CAMTA1: variants seen among roughly 807,000 people sequenced by gnomAD.
The protein encoded by CAMTA1 is calmodulin binding transcription activator 1.
Under a neutral mutation model 170.9 loss-of-function variants are expected in CAMTA1, and 27 were observed. The ratio of observed to expected loss-of-function variants is 0.16; its 90% CI spans 0.12 to 0.22. The LOEUF is 0.22. CAMTA1 is among the 10% of genes least tolerant of loss of function. The pLI, the probability that CAMTA1 is intolerant of heterozygous loss-of-function variation, is 1.00. For synonymous variants in CAMTA1, 833 were observed against 891.5 expected (o/e 0.93, Z 1.17); for missense variants, 1,619 against 2,217.2 (o/e 0.73, Z 5.42).
intron 5 of CAMTA1, among the ~76,000 whole-genome samples, chr1:7,273,480 A>G (rs1278513303): frequency 6.6e-6 from 1 of 152,238 alleles, no homozygotes; most frequent in Admixed American, 6.5e-5. Flanking sequence ...ACAAAAGACC[A>G]TATATTATGT....
chr1:7,240,494 G>C (rs934298628), intron 4 of CAMTA1, among the ~76,000 whole-genome samples: 2 of 150,858 alleles, frequency 1.3e-5, no homozygotes, highest in Non-Finnish European at 2.9e-5. Flanking sequence ...GTTAGTGGGA[G>C]CCTCTTCAAG....
At chr1:6,804,189 T>C (rs897129121) in intron 1 of CAMTA1, among the ~76,000 whole-genome samples, 1 of 149,914 alleles carries the variant, frequency 6.7e-6, no homozygotes, top group African/African-American at 2.4e-5. Flanking sequence ...TTTTTTTTTT[T>C]TTTTTTTTGG....
chr1:7,661,018 A>G (rs2095951660), intron 7 of CAMTA1, among the ~76,000 whole-genome samples: 1 of 152,220 alleles, frequency 6.6e-6, no homozygotes, highest in Non-Finnish European at 1.5e-5. Flanking sequence ...TCCCAACTCC[A>G]GGAACTGCAA....
intron 21 of CAMTA1, among the ~76,000 whole-genome samples, chr1:7,753,668 A>AGAAG (rs2096912903): frequency 6.6e-6 from 1 of 152,214 alleles, no homozygotes. Context: ...TTGTGACCAT[A>AGAAG]GAAGGAAACA....
At chr1:6,813,950 T>C (rs927845039) in intron 1 of CAMTA1, among the ~76,000 whole-genome samples, 4 of 152,178 alleles carry the variant, frequency 2.6e-5, no homozygotes, top group African/African-American at 9.7e-5. Flanking sequence ...GACGGGACCA[T>C]TTTTCCTTTC....
intron 3 of CAMTA1, among the ~76,000 whole-genome samples, chr1:6,830,985 A>G (rs1649838963): frequency 6.6e-6 from 1 of 151,520 alleles, no homozygotes; most frequent in Admixed American, 6.6e-5. Flanking sequence ...CGCCCAGCCA[A>G]TTTTTTGTAT....
At chr1:7,597,637 C>T (rs551575176) in intron 6 of CAMTA1, among the ~76,000 whole-genome samples, 5 of 152,128 alleles carry the variant, frequency 3.3e-5, no homozygotes, top group Admixed American at 2.0e-4. Flanking sequence ...AGTAGGTCAA[C>T]GGGCTGGAGA....
intron 6 of CAMTA1, among the ~76,000 whole-genome samples, chr1:7,543,581 T>C (rs1383538804): frequency 2.0e-5 from 3 of 152,238 alleles, no homozygotes; most frequent in Non-Finnish European, 4.4e-5. Flanking sequence ...TGTCAAATCC[T>C]GGAAAACGCA....
chr1:6,836,473 A>G (rs1653144692), intron 3 of CAMTA1, among the ~76,000 whole-genome samples: 1 of 152,226 alleles, frequency 6.6e-6, no homozygotes, highest in Non-Finnish European at 1.5e-5. Flanking sequence ...GACTTGAAAA[A>G]ATTGTAAAAT....
chr1:7,171,431 T>C (rs1266646542), intron 4 of CAMTA1, among the ~76,000 whole-genome samples: 1 of 152,150 alleles, frequency 6.6e-6, no homozygotes, highest in Non-Finnish European at 1.5e-5. Context: ...AAATGTTACC[T>C]CCTATTACGA....
rs1319644632 is a variant in CAMTA1 at position 7,007,035 on chromosome 1, G to A, written c.235-84269G>A. Among the ~76,000 whole-genome samples, 2 of 151,874 alleles carry A rather than the reference G, an allele frequency of 1.3e-5. No individual in the cohort carries two copies. Among genetic ancestry groups the A allele is most frequent in the Non-Finnish European group, 2.9e-5 (2 of 67,980 alleles). ...AAAAAAAAAAAAATAAGAATTTTTG[G>A]ATACGGTATTAATAATGTTACGGAA... On this transcript the variant is annotated intron_variant, in intron 3 of 22. Coordinates refer to ENST00000303635, the MANE Select transcript of CAMTA1 (RefSeq NM_015215.4). This position sits in a 1 kb window ranked among gnomAD's most constrained non-coding sequence, Gnocchi z 4.5.
intron 11 of CAMTA1, among the ~76,000 whole-genome samples, chr1:7,689,674 C>T (rs138505101): frequency 2.4e-4 from 36 of 152,336 alleles, no homozygotes; most frequent in African/African-American, 8.7e-4. Flanking sequence ...ATAGTCCAAT[C>T]TCCTCATTCT....
intron 11 of CAMTA1, among the ~76,000 whole-genome samples, chr1:7,708,568 TC>T (rs1331806193): frequency 6.6e-6 from 1 of 152,240 alleles, no homozygotes; most frequent in African/African-American, 2.4e-5. Flanking sequence ...TCAGTAAAGT[TC>T]CTTTGATAGA....
At chr1:6,884,335 C>CACACACACACACACAA (rs776481131) in intron 3 of CAMTA1, among the ~76,000 whole-genome samples, 35 of 144,002 alleles carry the variant, frequency 2.4e-4, no homozygotes, top group Admixed American at 1.7e-3. Context: ...CACACACACA[C>CACACACACACACACAA]AATTTTGTTT....
chr1:7,246,000 A>T (rs1204175382), intron 4 of CAMTA1, among the ~76,000 whole-genome samples: 3 of 152,162 alleles, frequency 2.0e-5, no homozygotes, highest in Non-Finnish European at 2.9e-5. Context: ...GGGAAGCCTG[A>T]GATTGCCCCA....
intron 6 of CAMTA1, among the ~76,000 whole-genome samples, chr1:7,533,287 G>A (rs1368314108): frequency 6.6e-6 from 1 of 152,216 alleles, no homozygotes; most frequent in Non-Finnish European, 1.5e-5. Flanking sequence ...CAGGCCGGCT[G>A]TGCCCTCTGC....
intron 3 of CAMTA1, among the ~76,000 whole-genome samples, chr1:7,011,931 C>A (rs1436261066): frequency 6.6e-6 from 1 of 152,232 alleles, no homozygotes; most frequent in Non-Finnish European, 1.5e-5. Flanking sequence ...CTCCGCCCCA[C>A]TCCTCCAATT....
In CAMTA1 at chr1:7,146,771, T is replaced by C. The variant is rs1325927616; in HGVS notation, c.302+55400T>C. ...CATAAACCATGCACACACACACACT[T>C]GAGCATCATGCACACATATATACCA... On this transcript the variant is annotated intron_variant, in intron 4 of 22. Transcript: ENST00000303635. This position sits in a 1 kb window ranked among gnomAD's most constrained non-coding sequence, Gnocchi z 4.3. Among the ~76,000 whole-genome samples the C allele has an allele frequency of 6.7e-6, 1 of 149,604 alleles. No homozygotes were observed. The highest frequency in any genetic ancestry group is 1.5e-5 in the Non-Finnish European group (1 of 67,324).
At chr1:7,537,490 G>C (rs780337792) in intron 6 of CAMTA1, among the ~76,000 whole-genome samples, 6 of 152,178 alleles carry the variant, frequency 3.9e-5, no homozygotes, top group Non-Finnish European at 7.3e-5. Flanking sequence ...TCTCCAAAAG[G>C]CGTCTGTGCA....
Sources: allele counts gnomAD v4.1 joint callset (sites outside exome capture counted in the v4.1 genomes callset), GRCh38; gene constraint gnomAD v4.1.1; non-coding constraint Gnocchi (gnomAD v3.1); transcripts MANE v1.5; gene names NCBI Gene and HGNC (gene_info 2026-07-23, HGNC 2026-07-21).